The following SKAP1 variants were observed in gnomAD, a reference collection of about 807,000 sequenced individuals.
The protein encoded by SKAP1 is src kinase-associated phosphoprotein 1.
SKAP1 carries 44 observed loss-of-function variants against 58.5 expected under a neutral mutation model. That is an observed-to-expected ratio of 0.75 (90% CI 0.59 to 0.97). The LOEUF is 0.97. SKAP1 is among the 50% of genes least tolerant of loss of function. SKAP1 has a pLI of 0.00. For synonymous variants in SKAP1, 127 were observed against 149.7 expected, an observed-to-expected ratio of 0.85 and a Z score of 1.11; for missense variants, 390 against 435.2, an observed-to-expected ratio of 0.90 and a Z score of 0.92.
intron 4 of SKAP1, among the ~76,000 whole-genome samples, chr17:48,219,012 T>C (rs886426518): frequency 3.3e-5 from 5 of 151,980 alleles, no homozygotes; most frequent in South Asian, 2.1e-4. Context: ...ATAGAAAAAA[T>C]ATAACAACCT....
chr17:48,337,364 A>G (rs992896705), intron 4 of SKAP1, among the ~76,000 whole-genome samples: 3 of 152,226 alleles, frequency 2.0e-5, no homozygotes, highest in Non-Finnish European at 4.4e-5. Context: ...TCAGACTTCT[A>G]TGTTAGGCCA....
chr17:48,170,706 C>T (rs1319283220), intron 9 of SKAP1, 47 bp from the exon 10 acceptor site: 4 of 1,383,216 alleles, frequency 2.9e-6, no homozygotes, highest in African/African-American at 1.4e-5. Context: ...TTCACAGTCT[C>T]ATGTTCTTTT....
intron 4 of SKAP1, among the ~76,000 whole-genome samples, chr17:48,273,056 A>G (rs2065653657): frequency 6.6e-6 from 1 of 152,182 alleles, no homozygotes; most frequent in African/African-American, 2.4e-5. Context: ...CACTCCTTCA[A>G]TCCAGCCAAC....
chr17:48,186,680 C>G (rs1198984969), intron 6 of SKAP1, among the ~76,000 whole-genome samples: 3 of 151,842 alleles, frequency 2.0e-5, no homozygotes, highest in Admixed American at 6.6e-5. Context: ...CTATGTTGGC[C>G]AGGTTGGTCT....
At chr17:48,378,281 A>C (rs754970053) in intron 2 of SKAP1, among the ~76,000 whole-genome samples, 2 of 152,214 alleles carry the variant, frequency 1.3e-5, no homozygotes, top group Admixed American at 6.5e-5. Context: ...CTTTGCAGAC[A>C]GGTCTGGGTT....
chr17:48,339,513 G>A (rs1230943347), intron 4 of SKAP1, among the ~76,000 whole-genome samples: 5 of 152,156 alleles, frequency 3.3e-5, no homozygotes, highest in Admixed American at 2.0e-4. Context: ...ATGGCTTGCT[G>A]TTTTTAAGCC....
At chr17:48,208,047 T>G (rs766862632) in intron 4 of SKAP1, among the ~76,000 whole-genome samples, 15 of 152,080 alleles carry the variant, frequency 9.9e-5, no homozygotes, top group Admixed American at 2.0e-4. Flanking sequence ...ATGTTAAAGG[T>G]TTCACCTTTT....
intron 4 of SKAP1, among the ~76,000 whole-genome samples, chr17:48,330,271 G>GA (rs1208084366): frequency 1.3e-5 from 2 of 151,908 alleles, no homozygotes; most frequent in Non-Finnish European, 2.9e-5. Flanking sequence ...TATGAGAGGG[G>GA]AAAAAATTGA....
At chr17:48,186,832 G>A (rs1387796695) in intron 6 of SKAP1, among the ~76,000 whole-genome samples, 3 of 152,230 alleles carry the variant, frequency 2.0e-5, no homozygotes, top group African/African-American at 4.8e-5. Flanking sequence ...AGGCAACTGG[G>A]TGGGTGTCTG....
intron 11 of SKAP1, among the ~76,000 whole-genome samples, chr17:48,137,608 A>G (rs2063716961): frequency 6.6e-6 from 1 of 152,190 alleles, no homozygotes; most frequent in Non-Finnish European, 1.5e-5. Context: ...TTTTAAACCA[A>G]GCCGAATGGT....
upstream of SKAP1, among the ~76,000 whole-genome samples, chr17:48,433,655 G>A (rs898384302): frequency 1.3e-5 from 2 of 152,146 alleles, no homozygotes; most frequent in South Asian, 4.1e-4. Context: ...AATTAATCTG[G>A]AATTCCTTGT....
rs561883542 is a variant in SKAP1 at position 48,234,271 on chromosome 17, A to G, written c.281-44771T>C. 2.0e-5 allele frequency among the ~76,000 whole-genome samples: 3 copies of G among 152,358 alleles called. No homozygotes were observed. In the East Asian group the frequency reaches 5.8e-4, roughly 29 times the overall value. The stretch of plus-strand genomic sequence containing the variant: ...CTTGTTCTTAAATATAGGTTTCTTA[A>G]AAATATCCAGACTACTTTAATTAGA... On this transcript the variant is annotated intron_variant, in intron 4 of 12. Transcript: ENST00000336915.
At chr17:48,319,216 G>C (rs2066328528) in intron 4 of SKAP1, among the ~76,000 whole-genome samples, 1 of 152,102 alleles carries the variant, frequency 6.6e-6, no homozygotes, top group African/African-American at 2.4e-5. Context: ...TAAATCCCAA[G>C]GTCTTCTCAT....
chr17:48,265,232 G>A (rs1219549198), intron 4 of SKAP1, among the ~76,000 whole-genome samples: 2 of 152,080 alleles, frequency 1.3e-5, no homozygotes, highest in African/African-American at 2.4e-5. Context: ...ATGGCTGGGT[G>A]CGGTGGCTCA....
chr17:48,397,058 A>T, intron 1 of SKAP1: 1 of 365,178 alleles, frequency 2.7e-6, no homozygotes, highest in Non-Finnish European at 3.8e-6. Context: ...AATAACTAAA[A>T]TTTTATATAT....
At chr17:48,412,353 T>C (rs2067675501) in intron 1 of SKAP1, among the ~76,000 whole-genome samples, 1 of 152,210 alleles carries the variant, frequency 6.6e-6, no homozygotes, top group Admixed American at 6.5e-5. Context: ...ATATTCTCTA[T>C]ATTTCTAAAT....
intron 1 of SKAP1, among the ~76,000 whole-genome samples, chr17:48,413,932 G>C (rs1214198139): frequency 6.6e-6 from 1 of 152,094 alleles, no homozygotes; most frequent in East Asian, 1.9e-4. Flanking sequence ...TTTAACTAGG[G>C]AGTGAACAAT....
At chr17:48,151,671 GTTTAATAGTTAGA>G (rs2143154379) in intron 11 of SKAP1, among the ~76,000 whole-genome samples, 1 of 152,210 alleles carries the variant, frequency 6.6e-6, no homozygotes, top group East Asian at 1.9e-4. Context: ...CTTCTCCTTT[GTTTAATAGTTAGA>G]AACCAATTTT....
At position 48,133,718 on chromosome 17, in the gene SKAP1, G is replaced by A. The variant is rs1255039912; in HGVS notation, c.*106C>T. ...GAGACTTGGGTCTCTTCAGCAAAGA[G>A]AGGAGTCCAAGGCGTTGGTGGGGTG... On this transcript the variant is annotated 3_prime_UTR_variant, in exon 13 of 13. Transcript: ENST00000336915. The A allele has an allele frequency of 2.0e-5, 3 of 152,644 alleles. No homozygotes were observed. Among genetic ancestry groups the A allele is most frequent in the Non-Finnish European group, 4.4e-5 (3 of 68,048 alleles). The allele number at this position is 152,644 out of a possible 1,614,324, so 9.5% of individuals were successfully genotyped here.
Sources: allele counts gnomAD v4.1 joint callset (sites outside exome capture counted in the v4.1 genomes callset), GRCh38; gene constraint gnomAD v4.1.1; transcripts MANE v1.5; gene names NCBI Gene and HGNC (gene_info 2026-07-23, HGNC 2026-07-21).